SV2C: variants seen among roughly 807,000 people sequenced by gnomAD.
SV2C encodes the protein solute carrier family 22 member B3.
Under a neutral mutation model 79.7 loss-of-function variants are expected in SV2C, and 49 were observed. That is an observed-to-expected ratio of 0.61 (90% confidence interval 0.49 to 0.78). The LOEUF (loss-of-function observed/expected upper bound fraction) is 0.78. Ranked by LOEUF, SV2C falls within the 30% of genes least tolerant of loss-of-function variation. SV2C has a pLI of 0.00. For synonymous variants in SV2C, 334 were observed against 333.2 expected, an observed-to-expected ratio of 1.00 and a Z score of -0.03; for missense variants, 833 against 912.9, an observed-to-expected ratio of 0.91 and a Z score of 1.13.
At chr5:76,296,362 T>TCTGTTTCC (rs1261058726) in intron 9 of SV2C, among the ~76,000 whole-genome samples, 8 of 152,194 alleles carry the variant, frequency 5.3e-5, no homozygotes, top group Non-Finnish European at 4.4e-5. Flanking sequence ...GAGCCACTTT[T>TCTGTTTCC]CAGAATTCAT....
the SV2C span, among the ~76,000 whole-genome samples, chr5:75,893,961 G>A: frequency 1.3e-5 from 2 of 152,106 alleles, no homozygotes; most frequent in African/African-American, 2.4e-5. Flanking sequence ...TGAATTGTGG[G>A]AGATGAAGCC....
chr5:76,222,987 C>T (rs914660627), intron 4 of SV2C, among the ~76,000 whole-genome samples: 4 of 152,096 alleles, frequency 2.6e-5, no homozygotes, highest in Non-Finnish European at 5.9e-5. Context: ...TAAGAAACTT[C>T]TCCAGAGAGC....
intron 1 of SV2C, among the ~76,000 whole-genome samples, chr5:76,099,365 C>T (rs980327864): frequency 2.0e-5 from 3 of 148,506 alleles, no homozygotes; most frequent in East Asian, 2.0e-4. Flanking sequence ...TTCTTTTGCT[C>T]GTGTGTGTGT....
chr5:76,313,343 G>A lies in SV2C; in HGVS notation c.2000+11798G>A, dbSNP rs10065843. Among the ~76,000 whole-genome samples, 4 of 151,980 alleles carry A rather than the reference G, an allele frequency of 2.6e-5. No individual in the cohort carries two copies. In the East Asian group the frequency reaches 5.8e-4, roughly 22 times the overall value. On this transcript the variant is annotated intron_variant, in intron 12 of 12. Coordinates refer to ENST00000502798, the MANE Select transcript of SV2C (RefSeq NM_014979.4). ...TGCTCTGCTTGATTTTTCCTTATAC[G>A]CCTTATCATTATATTATATATGTTT...
intron 2 of SV2C, among the ~76,000 whole-genome samples, chr5:76,155,533 G>C (rs931679784): frequency 7.2e-5 from 11 of 152,150 alleles, no homozygotes; most frequent in African/African-American, 2.2e-4. Flanking sequence ...TCAGCAACCT[G>C]TTTTTGAGAC....
rs1374601233 is a variant in SV2C at position 76,326,297 on chromosome 5, A to G, written c.*750A>G. On this transcript the variant is annotated 3_prime_UTR_variant, in exon 13 of 13. Coordinates refer to ENST00000502798, the MANE Select transcript of SV2C (RefSeq NM_014979.4). ...ATGTGGTTCAGAATGTTTGAAAATC[A>G]GAGATCCGAGAGAGAGCTTCTGCCT... The G allele has an allele frequency of 1.3e-5, 2 of 152,228 alleles. No homozygotes were observed. The highest frequency in any genetic ancestry group is 4.8e-5 in the African/African-American group (2 of 41,458). The allele number at this position is 152,228 out of a possible 1,614,324, so 9.4% of individuals were successfully genotyped here.
At chr5:76,176,977 C>T (rs1026427229) in intron 2 of SV2C, among the ~76,000 whole-genome samples, 1 of 151,476 alleles carries the variant, frequency 6.6e-6, no homozygotes, top group Non-Finnish European at 1.5e-5. Context: ...TAGCCGAGCA[C>T]GGTGGCGGGC....
intron 2 of SV2C, among the ~76,000 whole-genome samples, chr5:76,191,116 A>G (rs905044571): frequency 3.3e-5 from 5 of 152,190 alleles, no homozygotes; most frequent in South Asian, 2.1e-4. Context: ...ACTTACAATC[A>G]TGGTGGAAGG....
At chr5:76,077,389 G>T in the SV2C span, among the ~76,000 whole-genome samples, 1 of 152,166 alleles carries the variant, frequency 6.6e-6, no homozygotes, top group African/African-American at 2.4e-5. Context: ...GATAAATAGA[G>T]ATTTAAGAGA....
intron 1 of SV2C, among the ~76,000 whole-genome samples, chr5:76,116,295 A>T (rs1307696953): frequency 6.6e-6 from 1 of 152,204 alleles, no homozygotes; most frequent in African/African-American, 2.4e-5. Context: ...TCTTGCCTCA[A>T]GAAAGCAAGC....
chr5:76,292,003 A>C (rs967587474), intron 8 of SV2C, 147 bp downstream of exon 8: 1 of 607,422 alleles, frequency 1.6e-6, no homozygotes, highest in Non-Finnish European at 2.9e-6. Context: ...GCTGAGAGTT[A>C]TGGTTTTTAT....
intron 1 of SV2C, among the ~76,000 whole-genome samples, chr5:76,115,492 G>T (rs1022903891): frequency 3.3e-5 from 5 of 152,172 alleles, no homozygotes; most frequent in Non-Finnish European, 7.3e-5. Context: ...CTCTTTGACT[G>T]CTCTGTCTGC....
the SV2C span, chr5:76,075,889 G>A: frequency 9.0e-6 from 2 of 222,756 alleles, 1 homozygote. Flanking sequence ...CTCCAAACCA[G>A]GCACCACTTC....
At chr5:75,982,714 A>G in the SV2C span, among the ~76,000 whole-genome samples, 351 of 152,340 alleles carry the variant, frequency 2.3e-3, 3 homozygotes, top group African/African-American at 8.1e-3. Context: ...GAATCAACCT[A>G]AATGCCCATC....
the SV2C span, among the ~76,000 whole-genome samples, chr5:76,068,336 A>G: frequency 6.6e-6 from 1 of 152,198 alleles, no homozygotes; most frequent in Admixed American, 6.5e-5. Context: ...TCATATGATT[A>G]TTATTAATGT....
At chr5:76,130,282 C>T (rs538321657) in intron 1 of SV2C, among the ~76,000 whole-genome samples, 7 of 151,262 alleles carry the variant, frequency 4.6e-5, no homozygotes, top group Middle Eastern at 3.4e-3. Context: ...TTTTCCAAAA[C>T]GCAGCCTGTG....
chr5:76,109,502 G>A (rs1321687483), intron 1 of SV2C, among the ~76,000 whole-genome samples: 1 of 152,150 alleles, frequency 6.6e-6, no homozygotes, highest in African/African-American at 2.4e-5. Context: ...GTTAAAATGT[G>A]TCCCCGAAAA....
chr5:76,079,656 A>G, upstream of SV2C: 1 of 344,954 alleles, frequency 2.9e-6, no homozygotes, highest in Non-Finnish European at 5.8e-6. Context: ...CTCTATGAAG[A>G]ACAGCTTGGG....
Position 76,209,826 on chromosome 5 carries a change from G to C in SV2C, c.852G>C (p.Met284Ile), listed in dbSNP as rs753539447. The change falls in exon 4 of 13, where the codon ATG (methionine) becomes ATC (isoleucine). Residue 284 changes from methionine (M) to isoleucine (I), a missense_variant. Transcript: ENST00000502798. ...KRGEHLSWLC[M>I]FWMIGGIYAS... is the part of the protein sequence containing the mutation. Reference sequence around the variant, plus strand: ...GCGAACACTTGAGCTGGCTCTGCATGTTCTGGATGATCGGTGGCATCTACG... The same window carrying C: ...GCGAACACTTGAGCTGGCTCTGCATCTTCTGGATGATCGGTGGCATCTACG... 2.0e-5 allele frequency: 33 copies of C among 1,614,134 alleles called. No homozygotes were observed. The highest frequency in any genetic ancestry group is 2.5e-5 in the Non-Finnish European group (30 of 1,180,056).
Sources: allele counts gnomAD v4.1 joint callset (sites outside exome capture counted in the v4.1 genomes callset), GRCh38; gene constraint gnomAD v4.1.1; transcripts MANE v1.5; gene names NCBI Gene and HGNC (gene_info 2026-07-23, HGNC 2026-07-21).